Variants in SH3RF3 observed in about 807,000 individuals in gnomAD.
The protein encoded by SH3RF3 is E3 ubiquitin-protein ligase SH3RF3.
A neutral mutation model predicts 66.3 loss-of-function variants in SH3RF3; 29 were observed. The ratio of observed to expected loss-of-function variants is 0.44; its 90% CI spans 0.33 to 0.60. SH3RF3 has a LOEUF of 0.60. Ranked by LOEUF, SH3RF3 falls within the 20% of genes least tolerant of loss-of-function variation. SH3RF3 has a pLI of 0.04. For missense variants in SH3RF3, 1,194 were observed against 1,190.9 expected (o/e 1.00, Z -0.04); for synonymous variants, 583 against 532.0 (o/e 1.10, Z -1.32).
intron 1 of SH3RF3, among the ~76,000 whole-genome samples, chr2:109,330,214 G>GT (rs1333600410): frequency 1.3e-5 from 2 of 152,222 alleles, no homozygotes; most frequent in African/African-American, 2.4e-5. Flanking sequence ...GGAATGTGTG[G>GT]TAAGTCTCCC....
intron 1 of SH3RF3, among the ~76,000 whole-genome samples, chr2:109,315,459 T>C (rs1197268158): frequency 6.6e-6 from 1 of 152,278 alleles, no homozygotes; most frequent in Non-Finnish European, 1.5e-5. Context: ...GTCTGTAGAA[T>C]GCACTTGCTT....
intron 1 of SH3RF3, among the ~76,000 whole-genome samples, chr2:109,160,386 G>T (rs1013247561): frequency 2.6e-5 from 4 of 152,220 alleles, no homozygotes; most frequent in East Asian, 1.9e-4. Context: ...AGCAGGGCAG[G>T]GCTAAAGTTG....
At chr2:109,294,578 T>TA (rs1219847550) in intron 1 of SH3RF3, among the ~76,000 whole-genome samples, 9 of 124,998 alleles carry the variant, frequency 7.2e-5, no homozygotes, top group South Asian at 2.7e-4. Flanking sequence ...AAAAATTAAT[T>TA]AAAAAAAAGG....
chr2:109,157,129 A>G (rs1308453825), intron 1 of SH3RF3, among the ~76,000 whole-genome samples: 1 of 152,124 alleles, frequency 6.6e-6, no homozygotes, highest in Non-Finnish European at 1.5e-5. Context: ...AGGTTTTAGG[A>G]TGAGAGCACT....
chr2:109,428,434 T>C (rs1677096008), intron 5 of SH3RF3, among the ~76,000 whole-genome samples: 1 of 152,206 alleles, frequency 6.6e-6, no homozygotes, highest in African/African-American at 2.4e-5. Flanking sequence ...AGCAGACACA[T>C]GCCATGCCCA....
intron 2 of SH3RF3, among the ~76,000 whole-genome samples, chr2:109,364,735 G>T (rs1173180749): frequency 6.6e-6 from 1 of 152,180 alleles, no homozygotes; most frequent in African/African-American, 2.4e-5. Flanking sequence ...GGTGAAACAG[G>T]ATGGCTACAG....
chr2:109,271,386 T>C (rs1680623023), intron 1 of SH3RF3, among the ~76,000 whole-genome samples: 1 of 152,198 alleles, frequency 6.6e-6, no homozygotes, highest in African/African-American at 2.4e-5. Context: ...ACCCAAAAGC[T>C]CAAAACTGTA....
chr2:109,287,003 T>C (rs1170222758), intron 1 of SH3RF3, among the ~76,000 whole-genome samples: 1 of 152,348 alleles, frequency 6.6e-6, no homozygotes, highest in Admixed American at 6.5e-5. Context: ...GACGTGCAAC[T>C]GTCCCTGTGC....
chr2:109,191,424 G>A (rs546936131), intron 1 of SH3RF3, among the ~76,000 whole-genome samples: 1 of 152,336 alleles, frequency 6.6e-6, no homozygotes, highest in South Asian at 2.1e-4. Context: ...TTAGAAGAAA[G>A]TGGGGTGAGT....
chr2:109,331,315 T>C (rs1434496273), intron 1 of SH3RF3, among the ~76,000 whole-genome samples: 1 of 152,094 alleles, frequency 6.6e-6, no homozygotes, highest in Non-Finnish European at 1.5e-5. Flanking sequence ...AGTTCCTCAT[T>C]TGCAATCAAT....
chr2:109,322,771 A>T (rs1682057093), intron 1 of SH3RF3, among the ~76,000 whole-genome samples: 1 of 152,220 alleles, frequency 6.6e-6, no homozygotes, highest in African/African-American at 2.4e-5. Context: ...AAGGATTCAA[A>T]TAAGAACCCT....
At chr2:109,427,000 G>T (rs7608829) in intron 5 of SH3RF3, among the ~76,000 whole-genome samples, 1 of 151,220 alleles carries the variant, frequency 6.6e-6, no homozygotes, top group Non-Finnish European at 1.5e-5. Flanking sequence ...GACGAGTCTC[G>T]CTCTGTCACC....
At chr2:109,471,567 C>A (rs1299154945) in intron 8 of SH3RF3, among the ~76,000 whole-genome samples, 4 of 152,194 alleles carry the variant, frequency 2.6e-5, no homozygotes, top group Non-Finnish European at 5.9e-5. Flanking sequence ...CAAACCATAT[C>A]AGTCAGTGGC....
At chr2:109,262,067 C>T (rs761419488) in intron 1 of SH3RF3, among the ~76,000 whole-genome samples, 4 of 152,342 alleles carry the variant, frequency 2.6e-5, no homozygotes, top group East Asian at 1.9e-4. Flanking sequence ...CCAGCCCCAA[C>T]GGTGCCAGCA....
intron 1 of SH3RF3, among the ~76,000 whole-genome samples, chr2:109,167,007 T>C (rs547075944): frequency 2.0e-5 from 3 of 152,308 alleles, no homozygotes; most frequent in South Asian, 4.1e-4. Flanking sequence ...GCTTGAGCAA[T>C]GCTAAAAGAA....
chr2:109,419,566 C>T lies in SH3RF3; in HGVS notation c.1327C>T (p.Pro443Ser). ...TGTCTCCTCCTCGGCGGGATCTACCCCCACGGCTGTCCCACGGGCTGCCTC... is the reference window on the plus strand; with the variant it reads ...TGTCTCCTCCTCGGCGGGATCTACCTCCACGGCTGTCCCACGGGCTGCCTC... ...QDVSSSAGST[P>S]TAVPRAASVS... The change falls in exon 5 of 10, where the codon CCC (proline) becomes TCC (serine). Residue 443 changes from proline (P) to serine (S), a missense_variant. Coordinates refer to ENST00000309415, the MANE Select transcript of SH3RF3 (RefSeq NM_001099289.3). The T allele has an allele frequency of 6.3e-7, 1 of 1,598,834 alleles. No homozygotes were observed. Among genetic ancestry groups the T allele is most frequent in the Non-Finnish European group, 8.5e-7 (1 of 1,173,532 alleles).
At chr2:109,181,976 G>A (rs1223716985) in intron 1 of SH3RF3, among the ~76,000 whole-genome samples, 1 of 152,126 alleles carries the variant, frequency 6.6e-6, no homozygotes, top group Non-Finnish European at 1.5e-5. Context: ...GTTTGGTGAT[G>A]TTTGCTCATT....
chr2:109,239,651 A>G (rs1679733860), intron 1 of SH3RF3, among the ~76,000 whole-genome samples: 1 of 152,094 alleles, frequency 6.6e-6, no homozygotes, highest in Non-Finnish European at 1.5e-5. Context: ...GAGGCCGATG[A>G]AGCCACTGAT....
chr2:109,326,566 T>C (rs1249668272), intron 1 of SH3RF3, among the ~76,000 whole-genome samples: 1 of 152,202 alleles, frequency 6.6e-6, no homozygotes, highest in Non-Finnish European at 1.5e-5. Flanking sequence ...CATCTCATTG[T>C]GGTTTAATTT....
Sources: allele counts gnomAD v4.1 joint callset (sites outside exome capture counted in the v4.1 genomes callset), GRCh38; gene constraint gnomAD v4.1.1; transcripts MANE v1.5; gene names NCBI Gene and HGNC (gene_info 2026-07-23, HGNC 2026-07-21).